Variants in MXI1 observed in about 807,000 individuals in gnomAD.
MXI1 encodes the protein max-interacting protein 1.
A neutral mutation model predicts 36.9 loss-of-function variants in MXI1; 18 were observed. The observed-to-expected ratio is 0.49, with a 90% CI of 0.34 to 0.72. MXI1 has a LOEUF of 0.72. Among genes scored for constraint, MXI1 ranks in the 30% least tolerant of loss-of-function variants. The pLI, the probability that MXI1 is intolerant of heterozygous loss-of-function variation, is 0.01. For missense variants in MXI1, 304 were observed against 379.1 expected (o/e 0.80, Z 1.64); for synonymous variants, 160 against 146.7 (o/e 1.09, Z -0.65).
Position 110,228,265 on chromosome 10 carries a change from G to T in MXI1, c.351G>T (p.Arg117Ser), listed in dbSNP as rs1855135246. 6.2e-7 allele frequency: 1 copy of T among 1,614,062 alleles called. No individual in the cohort carries two copies. Among genetic ancestry groups the T allele is most frequent in the South Asian group, 1.1e-5 (1 of 91,088 alleles). Reference sequence around the variant, plus strand: ...TGCAGCATTCAAAGCCCCCACGGAGGTTGAGCCGGGCACAGAAACACAGCA... The same window carrying T: ...TGCAGCATTCAAAGCCCCCACGGAGTTTGAGCCGGGCACAGAAACACAGCA... ...PRLQHSKPPR[R>S]LSRAQKHSSG... Residue 117 changes from arginine (R) to serine (S), a missense_variant, in exon 2 of 6, where the codon AGG becomes AGT. Physicochemically the swap from Arg to Ser is moderately radical, Grantham distance 110. Transcript: ENST00000332674.
rs985784799 is a variant in MXI1 at position 110,227,467 on chromosome 10, A to G, written c.275-722A>G. On this transcript the variant is annotated intron_variant, in intron 1 of 5. Coordinates refer to ENST00000332674, the MANE Select transcript of MXI1 (RefSeq NM_130439.3). ...AGCGGGAAGGAGACGGGTGGAGGGAAGTTGGAGAGAGGGCGGTCTGGGGCT... is the reference window on the plus strand; with the variant it reads ...AGCGGGAAGGAGACGGGTGGAGGGAGGTTGGAGAGAGGGCGGTCTGGGGCT... The G allele has an allele frequency of 1.8e-4, 174 of 987,038 alleles. 1 individual carries two copies. Among genetic ancestry groups the G allele is most frequent in the Non-Finnish European group, 2.0e-4 (166 of 831,408 alleles). 61.1% of individuals were successfully genotyped at this position (987,038 alleles called of 1,614,324 possible). A position where few individuals can be genotyped will look rare whatever the true frequency, so the allele number is the denominator to read the frequency against.
intron 1 of MXI1, chr10:110,225,933 G>A (rs1854949117): frequency 2.4e-6 from 2 of 837,360 alleles, no homozygotes; most frequent in Admixed American, 6.2e-5. Context: ...GGCAGAGGCA[G>A]GGGCGGGAGG....
chr10:110,241,588 G>T (rs966039070), intron 2 of MXI1, among the ~76,000 whole-genome samples: 13 of 151,824 alleles, frequency 8.6e-5, no homozygotes, highest in South Asian at 2.1e-4. Context: ...ACCTTGTACT[G>T]TCCTCACAGC....
chr10:110,217,927 G>C (rs971004921), intron 1 of MXI1, among the ~76,000 whole-genome samples: 30 of 152,164 alleles, frequency 2.0e-4, no homozygotes, highest in African/African-American at 7.2e-4. Flanking sequence ...CCAGCACAAT[G>C]CTACGTGCTT....
At chr10:110,256,700 G>A (rs554610756) in intron 3 of MXI1, among the ~76,000 whole-genome samples, 2 of 144,054 alleles carry the variant, frequency 1.4e-5, no homozygotes, top group South Asian at 4.4e-4. Context: ...AAAACTATAA[G>A]ATACCACTTC....
intron 1 of MXI1, among the ~76,000 whole-genome samples, chr10:110,224,951 G>GGTAA (rs1427659952): frequency 6.6e-6 from 1 of 152,078 alleles, no homozygotes; most frequent in African/African-American, 2.4e-5. Flanking sequence ...CCCGGCCAGT[G>GGTAA]GTAGTCTTTT....
In MXI1 at chr10:110,210,986, G is replaced by T. The variant is rs568778582; in HGVS notation, c.274+2904G>T. 3.9e-5 allele frequency among the ~76,000 whole-genome samples: 6 copies of T among 152,266 alleles called. No individual in the cohort carries two copies. In the South Asian group the frequency reaches 1.2e-3, roughly 32 times the overall value. ...TTCCGATAGGATTCCAGCATCTACCGGGTCCCTGGTTTCTGGAAGGAAGCA... is the reference window on the plus strand; with the variant it reads ...TTCCGATAGGATTCCAGCATCTACCTGGTCCCTGGTTTCTGGAAGGAAGCA... On this transcript the variant is annotated intron_variant, in intron 1 of 5. Transcript: ENST00000332674.
In MXI1 at chr10:110,272,439, A is replaced by G. The variant is rs145327724; in HGVS notation, c.438-6741A>G. On this transcript the variant is annotated intron_variant, in intron 3 of 5. Coordinates refer to ENST00000332674, the MANE Select transcript of MXI1 (RefSeq NM_130439.3). ...TTTATATAAAATATTTTTCTTCCAAATTTTTGAAAAAATTATGACTTCTGG... is the reference window on the plus strand; with the variant it reads ...TTTATATAAAATATTTTTCTTCCAAGTTTTTGAAAAAATTATGACTTCTGG... 7.8e-3 allele frequency among the ~76,000 whole-genome samples: 1,194 copies of G among 152,280 alleles called. 10 individuals carry two copies. Among genetic ancestry groups the G allele is most frequent in the Non-Finnish European group, 0.014 (933 of 68,002 alleles).
At chr10:110,224,192 C>G (rs1564707067) in intron 1 of MXI1, among the ~76,000 whole-genome samples, 8 of 152,112 alleles carry the variant, frequency 5.3e-5, no homozygotes, top group Admixed American at 5.2e-4. Context: ...TCACCAGGAG[C>G]TTCCTGTTAT....
At chr10:110,249,910 C>T (rs559399066) in intron 3 of MXI1, among the ~76,000 whole-genome samples, 1 of 152,154 alleles carries the variant, frequency 6.6e-6, no homozygotes, top group Admixed American at 6.6e-5. Flanking sequence ...TAAGTAATTC[C>T]AGATAGCTAT....
At chr10:110,214,777 C>T (rs1854589517) in intron 1 of MXI1, among the ~76,000 whole-genome samples, 1 of 151,874 alleles carries the variant, frequency 6.6e-6, no homozygotes, top group Non-Finnish European at 1.5e-5. Context: ...CACACCTAAC[C>T]CCCGACAGCT....
chr10:110,213,438 T>C (rs1854556258), intron 1 of MXI1, among the ~76,000 whole-genome samples: 1 of 152,220 alleles, frequency 6.6e-6, no homozygotes, highest in African/African-American at 2.4e-5. Flanking sequence ...AGTGGAGTTA[T>C]GTGAAGAGCA....
chr10:110,237,926 G>A (rs781459711), intron 2 of MXI1, among the ~76,000 whole-genome samples: 7 of 152,112 alleles, frequency 4.6e-5, no homozygotes, highest in Non-Finnish European at 7.4e-5. Flanking sequence ...ACAGGCATGC[G>A]CTACAATGTC....
intron 5 of MXI1, among the ~76,000 whole-genome samples, chr10:110,280,286 TTTA>T (rs1411438548): frequency 1.3e-5 from 2 of 151,120 alleles, no homozygotes; most frequent in Non-Finnish European, 3.0e-5. Context: ...AAAAAATATA[TTTA>T]TATATTTATA....
In MXI1 at chr10:110,279,888, A is replaced by T. The variant is rs1195725731; in HGVS notation, c.553-26A>T. 1.9e-6 allele frequency: 3 copies of T among 1,582,022 alleles called. No individual in the cohort carries two copies. The Admixed American group carries it at 5.5e-5, about 29-fold the overall frequency. On this transcript the variant is annotated intron_variant, in intron 4 of 5. Coordinates refer to ENST00000332674, the MANE Select transcript of MXI1 (RefSeq NM_130439.3). ...ATTGTTTGTACTGGACTATACACAA[A>T]TGTAAAAATCATTTCATCATTTCAG...
At chr10:110,269,249 A>T (rs1377495996) in intron 3 of MXI1, among the ~76,000 whole-genome samples, 2 of 152,190 alleles carry the variant, frequency 1.3e-5, no homozygotes, top group Non-Finnish European at 2.9e-5. Context: ...TCCAGGGATG[A>T]ATTAATTCTT....
At chr10:110,229,087 G>C (rs1458730726) in intron 2 of MXI1, among the ~76,000 whole-genome samples, 1 of 152,144 alleles carries the variant, frequency 6.6e-6, no homozygotes, top group Non-Finnish European at 1.5e-5. Flanking sequence ...CTAAGATGTA[G>C]CTGACTTCCA....
Position 110,208,065 on chromosome 10 carries a change from T to C in MXI1, c.257T>C (p.Ile86Thr). 2 of 1,595,748 alleles carry C rather than the reference T, an allele frequency of 1.3e-6. No homozygotes were observed. Among genetic ancestry groups the C allele is most frequent in the Non-Finnish European group, 1.7e-6 (2 of 1,171,292 alleles). ...LLEAASYLEQ[I>T]EKENKKCEHG... Reference sequence around the variant, plus strand: ...GAGGCCGCCAGCTACCTGGAGCAGATCGAGAAAGAAAACAAAAGTAAGTTT... The same window carrying C: ...GAGGCCGCCAGCTACCTGGAGCAGACCGAGAAAGAAAACAAAAGTAAGTTT... The change falls in exon 1 of 6, where the codon ATC becomes ACC. Residue 86 changes from isoleucine (I) to threonine (T), a missense_variant. Coordinates refer to ENST00000332674, the MANE Select transcript of MXI1 (RefSeq NM_130439.3).
chr10:110,216,444 G>C (rs1179493907), intron 1 of MXI1, among the ~76,000 whole-genome samples: 1 of 152,030 alleles, frequency 6.6e-6, no homozygotes, highest in African/African-American at 2.4e-5. Context: ...CCAGTGCCAG[G>C]TTTTAGAGGT....
Sources: gnomAD v4.1 joint callset for allele counts (sites outside exome capture counted in the v4.1 genomes callset) on GRCh38, gnomAD v4.1.1 for gene constraint, MANE v1.5 for transcripts, NCBI Gene and HGNC (gene_info 2026-07-23, HGNC 2026-07-21) for gene names.